ACVR1C: variants seen among roughly 807,000 people sequenced by gnomAD.
The protein encoded by ACVR1C is activin receptor type-1C.
ACVR1C carries 23 observed loss-of-function variants against 57.9 expected under a neutral mutation model. That is an observed-to-expected ratio of 0.40 (90% CI 0.29 to 0.56). The LOEUF is 0.56. ACVR1C is among the 20% of genes least tolerant of loss of function. The pLI is 0.50. For missense variants in ACVR1C, 480 were observed against 607.9 expected, an observed-to-expected ratio of 0.79 and a Z score of 2.21; for synonymous variants, 214 against 215.3, an observed-to-expected ratio of 0.99 and a Z score of 0.05.
intron 2 of ACVR1C, among the ~76,000 whole-genome samples, chr2:157,575,848 A>G (rs1290282087): frequency 6.6e-6 from 1 of 152,204 alleles, no homozygotes; most frequent in Non-Finnish European, 1.5e-5. Context: ...GCAAAAAAAC[A>G]AGTCAGACAC....
At position 157,548,165 on chromosome 2, in the gene ACVR1C, A is replaced by G. The variant is rs1687815565; in HGVS notation, c.775+1997T>C. ...AAACAGAGAGCCAAATCATGAGTGA[A>G]CTCCCATTCACAATGGCTTCAAAGA... On this transcript the variant is annotated intron_variant, in intron 4 of 8. Transcript: ENST00000243349. Among the ~76,000 whole-genome samples the G allele has an allele frequency of 4.7e-5, 7 of 150,526 alleles. No individual in the cohort carries two copies. The South Asian group carries it at 1.5e-3, about 32-fold the overall frequency.
Position 157,583,647 on chromosome 2 carries a change from T to A in ACVR1C, c.304+3540A>T, listed in dbSNP as rs182570215. On this transcript the variant is annotated intron_variant, in intron 2 of 8. Transcript: ENST00000243349. ...TATAAAACTACAATAATCAAAACAG[T>A]TTGACGATAGTATAAGGCATATAGA... 4.2e-4 allele frequency among the ~76,000 whole-genome samples: 64 copies of A among 152,246 alleles called. 1 individual carries two copies. In the East Asian group the frequency reaches 0.012, roughly 28 times the overall value.
intron 2 of ACVR1C, among the ~76,000 whole-genome samples, chr2:157,567,247 A>G (rs1265070169): frequency 9.9e-6 from 1 of 100,846 alleles, no homozygotes; most frequent in African/African-American, 4.7e-5. Context: ...AAAAGTAGAT[A>G]AAACCACAAA....
chr2:157,553,954 A>G (rs1573914588), intron 3 of ACVR1C, among the ~76,000 whole-genome samples: 2 of 151,864 alleles, frequency 1.3e-5, no homozygotes, highest in South Asian at 2.1e-4. Flanking sequence ...TGGCCAAGGC[A>G]GGCAGATCAC....
In ACVR1C at chr2:157,528,520, T is replaced by C. The variant is rs1037100176; in HGVS notation, c.*5398A>G. The C allele has an allele frequency of 2.6e-5, 4 of 152,132 alleles. No homozygotes were observed. The East Asian group carries it at 5.8e-4, about 22-fold the overall frequency. 9.4% of individuals were successfully genotyped at this position (152,132 alleles called of 1,614,324 possible). A position where few individuals can be genotyped will look rare whatever the true frequency, so the allele number is the denominator to read the frequency against. Reference sequence around the variant, plus strand: ...AGAGAAAAGTATGCTGGCAGTTCTATTATTGTTAGGGGAATTTTAAAATAG... The same window carrying C: ...AGAGAAAAGTATGCTGGCAGTTCTACTATTGTTAGGGGAATTTTAAAATAG... On this transcript the variant is annotated 3_prime_UTR_variant, in exon 9 of 9. Coordinates refer to ENST00000243349, the MANE Select transcript of ACVR1C (RefSeq NM_145259.3).
intron 1 of ACVR1C, among the ~76,000 whole-genome samples, chr2:157,613,668 T>A (rs1265576898): frequency 6.6e-6 from 1 of 152,356 alleles, no homozygotes; most frequent in Admixed American, 6.5e-5. Flanking sequence ...AATTGAAATA[T>A]TCGATTTTTG....
chr2:157,554,205 A>AGAGAGAG (rs1558974811), intron 3 of ACVR1C, among the ~76,000 whole-genome samples: 12 of 68,702 alleles, frequency 1.7e-4, no homozygotes, highest in African/African-American at 8.5e-4. Flanking sequence ...AGAAGAGAGA[A>AGAGAGAG]AGAAAGAAAG....
intron 2 of ACVR1C, among the ~76,000 whole-genome samples, chr2:157,578,156 C>T (rs1488640774): frequency 2.6e-5 from 4 of 152,202 alleles, no homozygotes; most frequent in Admixed American, 1.3e-4. Flanking sequence ...ACTCCCACCT[C>T]GGCCTCTCAA....
chr2:157,553,947 C>T (rs1413035291), intron 3 of ACVR1C, among the ~76,000 whole-genome samples: 4 of 151,870 alleles, frequency 2.6e-5, no homozygotes, highest in Non-Finnish European at 4.4e-5. Flanking sequence ...CTTTGGGTGG[C>T]CAAGGCAGGC....
At chr2:157,564,260 A>G (rs903332755) in intron 2 of ACVR1C, among the ~76,000 whole-genome samples, 6 of 152,230 alleles carry the variant, frequency 3.9e-5, no homozygotes, top group African/African-American at 1.4e-4. Context: ...AACTTAAACA[A>G]GTTTACAAGA....
chr2:157,590,210 C>G (rs1028522456), intron 1 of ACVR1C, among the ~76,000 whole-genome samples: 1 of 151,850 alleles, frequency 6.6e-6, no homozygotes, highest in African/African-American at 2.4e-5. Context: ...CGTTAAATCA[C>G]AACTGCCCTC....
At chr2:157,541,771 G>C (rs1198059753) in intron 6 of ACVR1C, among the ~76,000 whole-genome samples, 1 of 152,204 alleles carries the variant, frequency 6.6e-6, no homozygotes, top group African/African-American at 2.4e-5. Flanking sequence ...AATCACAAGA[G>C]GCATTCACAG....
At position 157,528,471 on chromosome 2, in the gene ACVR1C, C is replaced by A. The variant is rs934854763; in HGVS notation, c.*5447G>T. 3 of 151,972 alleles carry A rather than the reference C, an allele frequency of 2.0e-5. No homozygotes were observed. The highest frequency in any genetic ancestry group is 7.3e-5 in the African/African-American group (3 of 41,378). The allele number at this position is 151,972 out of a possible 1,614,324, so 9.4% of individuals were successfully genotyped here. ...GGATGAAATACAGCTCATATTCTCT[C>A]GAATGTATTCATCTACAACTGAAAG... On this transcript the variant is annotated 3_prime_UTR_variant, in exon 9 of 9. Transcript: ENST00000243349.
At chr2:157,589,962 G>A (rs561674852) in intron 1 of ACVR1C, among the ~76,000 whole-genome samples, 39 of 151,884 alleles carry the variant, frequency 2.6e-4, no homozygotes, top group Non-Finnish European at 4.6e-4. Context: ...ATGGTTCTTG[G>A]AAAAGTGGAT....
rs753368533 is a variant in ACVR1C at position 157,530,348 on chromosome 2, A to G, written c.*3570T>C. 2 of 152,142 alleles carry G rather than the reference A, an allele frequency of 1.3e-5. No individual in the cohort carries two copies. Among genetic ancestry groups the G allele is most frequent in the Admixed American group, 6.6e-5 (1 of 15,252 alleles). 9.4% of individuals were successfully genotyped at this position (152,142 alleles called of 1,614,324 possible). On this transcript the variant is annotated 3_prime_UTR_variant, in exon 9 of 9. Transcript: ENST00000243349. ...TTTAAGTTGTTTACTCAAACTTTGT[A>G]TAATGGCAAACATCAGCTCCCTGTT...
intron 2 of ACVR1C, 29 bp from the exon 3 acceptor site, chr2:157,556,361 C>G (rs182485176): frequency 1.2e-5 from 19 of 1,602,004 alleles, no homozygotes; most frequent in Admixed American, 6.9e-5. Context: ...AGAACATGAC[C>G]ATAAATCAAA....
intron 1 of ACVR1C, among the ~76,000 whole-genome samples, chr2:157,603,856 A>AT (rs1376200651): frequency 6.6e-6 from 1 of 152,134 alleles, no homozygotes; most frequent in Non-Finnish European, 1.5e-5. Context: ...GGTAAATTTT[A>AT]ATTATTTGTA....
At chr2:157,573,862 A>G (rs969703380) in intron 2 of ACVR1C, among the ~76,000 whole-genome samples, 9 of 152,216 alleles carry the variant, frequency 5.9e-5, no homozygotes, top group Non-Finnish European at 1.3e-4. Flanking sequence ...ATAGGAAAAA[A>G]ATACTTGTCT....
intron 1 of ACVR1C, among the ~76,000 whole-genome samples, chr2:157,627,310 C>T (rs761749746): frequency 6.6e-6 from 1 of 152,144 alleles, no homozygotes; most frequent in Non-Finnish European, 1.5e-5. Context: ...TTGGTTTTCT[C>T]CCACTTATAA....
Sources: allele counts gnomAD v4.1 joint callset (sites outside exome capture counted in the v4.1 genomes callset), GRCh38; gene constraint gnomAD v4.1.1; transcripts MANE v1.5; gene names NCBI Gene and HGNC (gene_info 2026-07-23, HGNC 2026-07-21).